Variants in ST8SIA5 observed in about 807,000 individuals in gnomAD.
ST8SIA5 encodes alpha-2,8-sialyltransferase 8E.
Under a neutral mutation model 40.2 loss-of-function variants are expected in ST8SIA5, and 24 were observed. That is an observed-to-expected ratio of 0.60 (90% confidence interval 0.43 to 0.84). The LOEUF is 0.84. Ranked by LOEUF, ST8SIA5 falls within the 40% of genes least tolerant of loss-of-function variation. ST8SIA5 has a pLI of 0.00. For synonymous variants in ST8SIA5, 198 were observed against 201.8 expected (o/e 0.98, Z 0.16); for missense variants, 465 against 498.5 (o/e 0.93, Z 0.64).
At chr18:46,729,763 A>G (rs1424221199) in intron 1 of ST8SIA5, among the ~76,000 whole-genome samples, 2 of 152,196 alleles carry the variant, frequency 1.3e-5, no homozygotes, top group Non-Finnish European at 2.9e-5. Flanking sequence ...AACAATTACA[A>G]ACGGACTTCT....
intron 5 of ST8SIA5, among the ~76,000 whole-genome samples, chr18:46,682,640 A>ACC (rs2039409238): frequency 6.6e-6 from 1 of 152,238 alleles, no homozygotes; most frequent in Non-Finnish European, 1.5e-5. Context: ...ACCTGTGACT[A>ACC]TGCAGCCTTA....
intron 5 of ST8SIA5, 60 bp from the exon 6 acceptor site, chr18:46,682,124 G>T: frequency 7.3e-7 from 1 of 1,367,632 alleles, no homozygotes; most frequent in Non-Finnish European, 1.0e-6. Context: ...GGCTGGGGAG[G>T]GTGCAGGGGG....
intron 1 of ST8SIA5, among the ~76,000 whole-genome samples, chr18:46,745,745 C>G (rs945166651): frequency 6.6e-6 from 1 of 152,164 alleles, no homozygotes; most frequent in African/African-American, 2.4e-5. Flanking sequence ...GATACTAAAG[C>G]CTGGCAGAGA....
At position 46,715,331 on chromosome 18, in the gene ST8SIA5, G is replaced by T. The variant is rs375508049; in HGVS notation, c.132-10667C>A. Among the ~76,000 whole-genome samples, 6 of 152,314 alleles carry T rather than the reference G, an allele frequency of 3.9e-5. No individual in the cohort carries two copies. In the East Asian group the frequency reaches 1.2e-3, roughly 29 times the overall value. ...CTGCAGGGGTCGCACTGCCCCCAAG[G>T]GCTCCTCTTTGAAATGTATAATTGC... On this transcript the variant is annotated intron_variant, in intron 1 of 6. Coordinates refer to ENST00000315087, the MANE Select transcript of ST8SIA5 (RefSeq NM_013305.6).
chr18:46,717,524 G>A (rs551763511), intron 1 of ST8SIA5, among the ~76,000 whole-genome samples: 2 of 152,096 alleles, frequency 1.3e-5, no homozygotes, highest in South Asian at 2.1e-4. Flanking sequence ...TAGTAGAGAC[G>A]GGGCTTCTCC....
intron 4 of ST8SIA5, 113 bp downstream of exon 4, chr18:46,688,662 G>T: frequency 7.4e-7 from 1 of 1,351,958 alleles, no homozygotes; most frequent in East Asian, 2.4e-5. Context: ...CAAGACAACT[G>T]AGTCCAGAGG....
chr18:46,753,775 C>T (rs1280359142), intron 1 of ST8SIA5, among the ~76,000 whole-genome samples: 1 of 152,100 alleles, frequency 6.6e-6, no homozygotes, highest in Non-Finnish European at 1.5e-5. Flanking sequence ...TCTCCTCTCC[C>T]CAGTGTGAAT....
At chr18:46,714,568 C>G (rs542330725) in intron 1 of ST8SIA5, among the ~76,000 whole-genome samples, 1 of 152,238 alleles carries the variant, frequency 6.6e-6, no homozygotes, top group East Asian at 1.9e-4. Context: ...CCGGCCTCCT[C>G]AGTTTACAGG....
chr18:46,726,547 A>G (rs1315599471), intron 1 of ST8SIA5, among the ~76,000 whole-genome samples: 1 of 151,102 alleles, frequency 6.6e-6, no homozygotes, highest in African/African-American at 2.4e-5. Flanking sequence ...ATTCTCAGTC[A>G]TGACTGCATG....
intron 2 of ST8SIA5, among the ~76,000 whole-genome samples, chr18:46,702,586 C>T (rs1476596348): frequency 6.6e-6 from 1 of 152,218 alleles, no homozygotes; most frequent in Non-Finnish European, 1.5e-5. Context: ...GGCATAGGGC[C>T]TTTGTACAGA....
At chr18:46,709,022 C>T (rs1221545438) in intron 1 of ST8SIA5, among the ~76,000 whole-genome samples, 1 of 152,214 alleles carries the variant, frequency 6.6e-6, no homozygotes, top group Non-Finnish European at 1.5e-5. Context: ...ATAGCCCTGG[C>T]TTCCTTCTCT....
chr18:46,683,322 T>C (rs569324516), intron 5 of ST8SIA5, among the ~76,000 whole-genome samples: 33 of 152,322 alleles, frequency 2.2e-4, no homozygotes, highest in African/African-American at 7.9e-4. Flanking sequence ...GTACAAATAT[T>C]CTTCACATCA....
intron 1 of ST8SIA5, among the ~76,000 whole-genome samples, chr18:46,711,456 G>A (rs11082551): frequency 0.6 from 91,498 of 152,054 alleles, 27,889 homozygotes; most frequent in East Asian, 0.78. Context: ...GTGAGAGCCC[G>A]GAACCCCTGC....
chr18:46,753,184 C>T (rs1366220373), intron 1 of ST8SIA5, among the ~76,000 whole-genome samples: 1 of 152,172 alleles, frequency 6.6e-6, no homozygotes, highest in East Asian at 1.9e-4. Context: ...ACACATAGTC[C>T]TACCTTCAAT....
At chr18:46,723,912 G>A (rs1247233075) in intron 1 of ST8SIA5, among the ~76,000 whole-genome samples, 1 of 150,744 alleles carries the variant, frequency 6.6e-6, no homozygotes, top group Non-Finnish European at 1.5e-5. Flanking sequence ...GGTGACAAGA[G>A]CAAAACTCCA....
intron 1 of ST8SIA5, among the ~76,000 whole-genome samples, chr18:46,746,050 G>A (rs1246204137): frequency 4.6e-5 from 7 of 152,030 alleles, no homozygotes; most frequent in Admixed American, 1.3e-4. Context: ...TAAACTAGGT[G>A]TTGAAGGAAC....
rs1462908513 is a variant in ST8SIA5 at position 46,673,925 on chromosome 18, C to T, written c.*6117G>A. On this transcript the variant is annotated 3_prime_UTR_variant, in exon 7 of 7. Coordinates refer to ENST00000315087, the MANE Select transcript of ST8SIA5 (RefSeq NM_013305.6). Reference sequence around the variant, plus strand: ...ACAGTTAGCCTCTTCCCAGAGGGTGCTCTGGTTACAGGGAGGAGACTAGGT... The same window carrying T: ...ACAGTTAGCCTCTTCCCAGAGGGTGTTCTGGTTACAGGGAGGAGACTAGGT... The T allele has an allele frequency of 3.3e-5, 5 of 152,272 alleles. No homozygotes were observed. Among genetic ancestry groups the T allele is most frequent in the African/African-American group, 1.2e-4 (5 of 41,568 alleles). 9.4% of individuals were successfully genotyped at this position (152,272 alleles called of 1,614,324 possible).
Position 46,679,736 on chromosome 18 carries a change from T to C in ST8SIA5, c.*306A>G. The C allele has an allele frequency of 2.4e-6, 1 of 414,170 alleles. No homozygotes were observed. The allele number at this position is 414,170 out of a possible 1,614,324, so 25.7% of individuals were successfully genotyped here. A position where few individuals can be genotyped will look rare whatever the true frequency, so the allele number is the denominator to read the frequency against. ...CAAAATTGGGTGGAAATGTGCTTTA[T>C]TCACTTGCCGTCCCCAGGGCCCCTG... On this transcript the variant is annotated 3_prime_UTR_variant, in exon 7 of 7. Coordinates refer to ENST00000315087, the MANE Select transcript of ST8SIA5 (RefSeq NM_013305.6).
rs1239443818 is a variant in ST8SIA5 at position 46,678,411 on chromosome 18, G to A, written c.*1631C>T. On this transcript the variant is annotated 3_prime_UTR_variant, in exon 7 of 7. Transcript: ENST00000315087. ...TAAAGCCTGCACTCTCCACGTCCCT[G>A]ACTGGCTCAGCCGGGGGGCCTGTCA... The A allele has an allele frequency of 1.3e-5, 2 of 152,314 alleles. No homozygotes were observed. Among genetic ancestry groups the A allele is most frequent in the Non-Finnish European group, 2.9e-5 (2 of 68,144 alleles). The allele number at this position is 152,314 out of a possible 1,614,324, so 9.4% of individuals were successfully genotyped here.
Sources: gnomAD v4.1 joint callset for allele counts (sites outside exome capture counted in the v4.1 genomes callset) on GRCh38, gnomAD v4.1.1 for gene constraint, MANE v1.5 for transcripts, NCBI Gene and HGNC (gene_info 2026-07-23, HGNC 2026-07-21) for gene names.